The following AOPEP variants were observed in gnomAD, a reference collection of about 807,000 sequenced individuals.
AOPEP encodes the protein aminopeptidase O.
A neutral mutation model predicts 98.1 loss-of-function variants in AOPEP; 77 were observed. The ratio of observed to expected loss-of-function variants is 0.78; its 90% confidence interval spans 0.65 to 0.95. AOPEP has a LOEUF of 0.95. AOPEP is among the 40% of genes least tolerant of loss of function. The pLI is 0.00. For synonymous variants in AOPEP, 346 were observed against 365.3 expected (o/e 0.95, Z 0.60); for missense variants, 1,024 against 1,024.7 (o/e 1.00, Z 0.01).
chr9:94,734,094 G>A (rs973976160), intron 1 of AOPEP, among the ~76,000 whole-genome samples: 12 of 152,056 alleles, frequency 7.9e-5, no homozygotes, highest in African/African-American at 9.6e-5. Context: ...ACTGGCCTTG[G>A]CAATCCTCTG....
At chr9:95,131,535 C>G in the AOPEP span, among the ~76,000 whole-genome samples, 9 of 152,314 alleles carry the variant, frequency 5.9e-5, no homozygotes, top group Admixed American at 2.6e-4. Context: ...CTGGTGCCCC[C>G]CTGAGGCTAA....
At chr9:94,814,364 A>G (rs1274186752) in intron 5 of AOPEP, among the ~76,000 whole-genome samples, 2 of 152,306 alleles carry the variant, frequency 1.3e-5, no homozygotes, top group East Asian at 3.9e-4. Context: ...TGGGCTTAGG[A>G]TGTACCCCAG....
the AOPEP span, among the ~76,000 whole-genome samples, chr9:95,118,712 A>G: frequency 1.3e-5 from 2 of 152,218 alleles, no homozygotes; most frequent in Non-Finnish European, 2.9e-5. Context: ...ATATTTTCTT[A>G]AAGATTAAGC....
intron 5 of AOPEP, among the ~76,000 whole-genome samples, chr9:94,843,689 G>T (rs560327705): frequency 6.6e-6 from 1 of 152,064 alleles, no homozygotes; most frequent in Non-Finnish European, 1.5e-5. Flanking sequence ...AACCCAACTC[G>T]CTTTTTATCT....
chr9:94,953,389 T>C (rs1230872910), intron 7 of AOPEP, among the ~76,000 whole-genome samples: 1 of 152,214 alleles, frequency 6.6e-6, no homozygotes, highest in Non-Finnish European at 1.5e-5. Flanking sequence ...TTTAGGTATC[T>C]GCTGATTCTG....
intron 13 of AOPEP, among the ~76,000 whole-genome samples, chr9:95,013,574 G>A (rs2062741835): frequency 1.3e-5 from 2 of 151,954 alleles, no homozygotes; most frequent in Admixed American, 6.6e-5. Context: ...AATCACTTAA[G>A]TTTTAATTCT....
At chr9:95,064,980 C>T (rs1358253094) in intron 14 of AOPEP, among the ~76,000 whole-genome samples, 2 of 152,172 alleles carry the variant, frequency 1.3e-5, no homozygotes, top group African/African-American at 2.4e-5. Flanking sequence ...AGATGACTTT[C>T]GTCTTCTGCT....
Position 95,037,807 on chromosome 9 carries a change from T to C in AOPEP, c.2116-22887T>C, listed in dbSNP as rs149152126. ...CAGTAGAAGGGGCTTCTGTAAGTAA[T>C]GTACCTCTCAGTGCAAGCTAATACA... On this transcript the variant is annotated intron_variant, in intron 13 of 16. Coordinates refer to ENST00000375315, the MANE Select transcript of AOPEP (RefSeq NM_001193329.3). Among the ~76,000 whole-genome samples the C allele has an allele frequency of 1.3e-5, 2 of 152,342 alleles. 1 individual carries two copies. The highest frequency in any genetic ancestry group is 2.9e-5 in the Non-Finnish European group (2 of 68,030).
intron 5 of AOPEP, among the ~76,000 whole-genome samples, chr9:94,807,327 T>C (rs1849456777): frequency 6.6e-6 from 1 of 152,218 alleles, no homozygotes. Flanking sequence ...AAGATTATGC[T>C]TAAGTGTTTG....
intron 3 of AOPEP, among the ~76,000 whole-genome samples, chr9:94,781,846 GTTTTAT>G (rs1297861550): frequency 2.0e-5 from 3 of 150,376 alleles, no homozygotes; most frequent in African/African-American, 7.3e-5. Flanking sequence ...AGGCGTGAAA[GTTTTAT>G]TTTTATAGAG....
At chr9:94,764,486 A>G (rs1839115029) in intron 2 of AOPEP, among the ~76,000 whole-genome samples, 1 of 152,022 alleles carries the variant, frequency 6.6e-6, no homozygotes, top group South Asian at 2.1e-4. Flanking sequence ...ATCTTTACTA[A>G]AAATACAAAA....
intron 2 of AOPEP, among the ~76,000 whole-genome samples, chr9:94,766,892 T>C (rs1839756639): frequency 6.6e-6 from 1 of 152,210 alleles, no homozygotes; most frequent in Non-Finnish European, 1.5e-5. Flanking sequence ...ACTACTTTTT[T>C]CTGTAATATT....
At chr9:95,094,424 C>G in the AOPEP span, among the ~76,000 whole-genome samples, 13 of 152,336 alleles carry the variant, frequency 8.5e-5, no homozygotes, top group East Asian at 9.7e-4. Context: ...TCACCACGAT[C>G]CGCCTGCAGA....
At chr9:94,794,124 A>G (rs892247428) in intron 4 of AOPEP, among the ~76,000 whole-genome samples, 1 of 152,188 alleles carries the variant, frequency 6.6e-6, no homozygotes, top group Admixed American at 6.5e-5. Context: ...TTGAAGTATG[A>G]ACCAGATAAA....
At chr9:94,781,762 G>A (rs192790543) in intron 3 of AOPEP, among the ~76,000 whole-genome samples, 4 of 151,128 alleles carry the variant, frequency 2.6e-5, no homozygotes, top group Admixed American at 6.6e-5. Context: ...GGGTTTCACC[G>A]TGTTAGCCAG....
intron 3 of AOPEP, among the ~76,000 whole-genome samples, chr9:94,788,576 C>T (rs1844954071): frequency 6.6e-6 from 1 of 151,596 alleles, no homozygotes; most frequent in South Asian, 2.1e-4. Context: ...AGCTTGCATG[C>T]AAGCATTCAG....
chr9:94,774,595 C>T (rs1841669347), intron 3 of AOPEP, among the ~76,000 whole-genome samples: 1 of 151,932 alleles, frequency 6.6e-6, no homozygotes, highest in Non-Finnish European at 1.5e-5. Flanking sequence ...AACATTGGCA[C>T]AATATTTTTT....
intron 5 of AOPEP, chr9:94,904,806 G>A (rs546962788): frequency 1.3e-5 from 2 of 152,292 alleles, no homozygotes; most frequent in Admixed American, 1.3e-4. Flanking sequence ...TGCTTTATTA[G>A]CAGTCTAGCT....
intron 5 of AOPEP, among the ~76,000 whole-genome samples, chr9:94,840,550 T>A (rs1457240564): frequency 6.6e-6 from 1 of 152,212 alleles, no homozygotes; most frequent in Non-Finnish European, 1.5e-5. Flanking sequence ...GAGAATGTTT[T>A]CTGGAAGAGA....
Sources: gnomAD v4.1 joint callset for allele counts (sites outside exome capture counted in the v4.1 genomes callset) on GRCh38, gnomAD v4.1.1 for gene constraint, MANE v1.5 for transcripts, NCBI Gene and HGNC (gene_info 2026-07-23, HGNC 2026-07-21) for gene names.